The following ITGBL1 variants were observed in gnomAD, a reference collection of about 807,000 sequenced individuals.
ITGBL1 encodes integrin beta-like protein 1.
A neutral mutation model predicts 68.5 loss-of-function variants in ITGBL1; 51 were observed. That is an observed-to-expected ratio of 0.74 (90% CI 0.59 to 0.94). The LOEUF (loss-of-function observed/expected upper bound fraction) is 0.94, where lower values mean the gene tolerates loss of function less well. Ranked by LOEUF, ITGBL1 falls within the 40% of genes least tolerant of loss-of-function variation. The probability of loss-of-function intolerance (pLI) is 0.00; values close to 1 mark genes in which losing one functional copy is unlikely to be tolerated. For synonymous variants in ITGBL1, 209 were observed against 227.3 expected (o/e 0.92, Z 0.72); for missense variants, 649 against 647.4 (o/e 1.00, Z -0.03).
At chr13:101,683,811 T>C (rs186365160) in intron 7 of ITGBL1, among the ~76,000 whole-genome samples, 1 of 152,130 alleles carries the variant, frequency 6.6e-6, no homozygotes, top group African/African-American at 2.4e-5. Flanking sequence ...GCATTTCCCA[T>C]GTGAATAAGA....
chr13:101,453,941 G>C lies in ITGBL1; in HGVS notation c.157G>C (p.Ala53Pro). The C allele has an allele frequency of 7.0e-7, 1 of 1,418,472 alleles. No individual in the cohort carries two copies. Among genetic ancestry groups the C allele is most frequent in the Non-Finnish European group, 9.3e-7 (1 of 1,079,296 alleles). 87.9% of individuals were successfully genotyped at this position (1,418,472 alleles called of 1,614,324 possible). A position where few individuals can be genotyped will look rare whatever the true frequency, so the allele number is the denominator to read the frequency against. The change falls in exon 2 of 11, where the codon GCA becomes CCA. Residue 53 changes from alanine (A) to proline (P), a missense_variant. By Grantham distance (27) the Ala-to-Pro change is conservative (BLOSUM62 -1). Transcript: ENST00000376180. Reference protein sequence around the residue: ...SRAESERRCRAPGQPPGAALC... With the variant: ...SRAESERRCRPPGQPPGAALC... ...GGCCGAGTCGGAGCGACGCTGCCGC[G>C]CACCTGGGCAGCCCCCGGGGGCCGC... is the stretch of plus-strand genomic sequence containing the variant.
At chr13:101,495,077 AGTTCT>A (rs2048837437) in intron 2 of ITGBL1, among the ~76,000 whole-genome samples, 1 of 152,204 alleles carries the variant, frequency 6.6e-6, no homozygotes, top group South Asian at 2.1e-4. Flanking sequence ...CTTCTAAGTT[AGTTCT>A]TCAGGTTCAT....
At chr13:101,479,370 G>A (rs1355060548) in intron 2 of ITGBL1, among the ~76,000 whole-genome samples, 3 of 152,044 alleles carry the variant, frequency 2.0e-5, no homozygotes, top group African/African-American at 4.8e-5. Flanking sequence ...AGAAACAGTT[G>A]AGGAAACTCT....
Position 101,531,614 on chromosome 13 carries a change from G to A in ITGBL1, c.317-36085G>A. Reference sequence around the variant, plus strand: ...TTACTTCATAGCGTATTTTTTGGGGGGAGGGGATTTACTTTATTTCTTAAG... The same window carrying A: ...TTACTTCATAGCGTATTTTTTGGGGAGAGGGGATTTACTTTATTTCTTAAG... On this transcript the variant is annotated intron_variant, in intron 2 of 10. Transcript: ENST00000376180. Among the ~76,000 whole-genome samples the A allele has an allele frequency of 2.9e-5, 4 of 137,138 alleles. No homozygotes were observed. The Middle Eastern group carries it at 0.016, about 557-fold the overall frequency. The allele number at this position is 137,138 out of a possible 152,430, so 90.0% of individuals were successfully genotyped here.
chr13:101,518,396 CT>C (rs1209608364), intron 2 of ITGBL1, among the ~76,000 whole-genome samples: 3 of 152,132 alleles, frequency 2.0e-5, no homozygotes, highest in South Asian at 4.1e-4. Context: ...TAATTCATCT[CT>C]GTTTTCCCAA....
intron 2 of ITGBL1, among the ~76,000 whole-genome samples, chr13:101,488,022 G>A (rs1178799279): frequency 6.6e-6 from 1 of 152,182 alleles, no homozygotes; most frequent in Non-Finnish European, 1.5e-5. Flanking sequence ...CTTCGGAGGA[G>A]GAGATCAAAT....
intron 2 of ITGBL1, among the ~76,000 whole-genome samples, chr13:101,554,678 A>G (rs2049976574): frequency 6.6e-6 from 1 of 150,760 alleles, no homozygotes; most frequent in East Asian, 2.0e-4. Flanking sequence ...AAAATTTGCA[A>G]CTCTCCAGGG....
At chr13:101,691,372 T>C (rs1315630805) in intron 7 of ITGBL1, among the ~76,000 whole-genome samples, 1 of 152,212 alleles carries the variant, frequency 6.6e-6, no homozygotes, top group Non-Finnish European at 1.5e-5. Flanking sequence ...CATTAGATTA[T>C]CTTTAATTAC....
intron 7 of ITGBL1, among the ~76,000 whole-genome samples, chr13:101,687,869 A>G (rs2033791666): frequency 6.6e-6 from 1 of 151,784 alleles, no homozygotes; most frequent in Non-Finnish European, 1.5e-5. Context: ...TACTTGCTTT[A>G]TTTTTATTTC....
chr13:101,610,602 T>C (rs1403107310), intron 7 of ITGBL1, among the ~76,000 whole-genome samples: 1 of 152,216 alleles, frequency 6.6e-6, no homozygotes, highest in Non-Finnish European at 1.5e-5. Flanking sequence ...CTACATTCTC[T>C]TTTTGTAAAT....
intron 8 of ITGBL1, among the ~76,000 whole-genome samples, chr13:101,701,772 A>T (rs566223443): frequency 1.3e-5 from 2 of 152,124 alleles, no homozygotes; most frequent in East Asian, 3.9e-4. Flanking sequence ...TTTCACTTAT[A>T]TAGGTACCTA....
At chr13:101,719,381 T>C (rs2034843189), downstream of ITGBL1, 1 of 152,052 alleles carries the variant, frequency 6.6e-6, no homozygotes, top group Non-Finnish European at 1.5e-5. Context: ...ATCGTGGATC[T>C]CTTTAAGCCA....
chr13:101,457,929 A>G (rs1433065471), intron 2 of ITGBL1, among the ~76,000 whole-genome samples: 1 of 152,236 alleles, frequency 6.6e-6, no homozygotes, highest in Non-Finnish European at 1.5e-5. Context: ...CTACAATGAC[A>G]CTTAAATAAT....
chr13:101,582,379 C>G (rs1432395417), intron 5 of ITGBL1, among the ~76,000 whole-genome samples: 1 of 151,864 alleles, frequency 6.6e-6, no homozygotes, highest in Non-Finnish European at 1.5e-5. Flanking sequence ...ATCTTTAATC[C>G]AACTGGTACT....
chr13:101,616,845 C>G (rs1316727679), intron 7 of ITGBL1, among the ~76,000 whole-genome samples: 1 of 152,184 alleles, frequency 6.6e-6, no homozygotes, highest in African/African-American at 2.4e-5. Flanking sequence ...CCAGAATAAT[C>G]TGCATTGTAA....
chr13:101,549,364 G>T (rs2049882276), intron 2 of ITGBL1, among the ~76,000 whole-genome samples: 1 of 151,882 alleles, frequency 6.6e-6, no homozygotes, highest in African/African-American at 2.4e-5. Context: ...TTGATCATAT[G>T]ATTTAGGAGT....
downstream of ITGBL1, chr13:101,719,030 C>G (rs977984872): frequency 6.6e-6 from 1 of 151,950 alleles, no homozygotes; most frequent in African/African-American, 2.4e-5. Context: ...TAGCCTTGTT[C>G]TGAATTAAAA....
At chr13:101,658,651 A>T (rs1047490287) in intron 7 of ITGBL1, among the ~76,000 whole-genome samples, 4 of 152,154 alleles carry the variant, frequency 2.6e-5, no homozygotes, top group Non-Finnish European at 4.4e-5. Flanking sequence ...GGGATAATAC[A>T]TTTTAAAAAT....
intron 2 of ITGBL1, among the ~76,000 whole-genome samples, chr13:101,560,018 C>A (rs906229998): frequency 2.0e-5 from 3 of 152,074 alleles, no homozygotes; most frequent in African/African-American, 7.2e-5. Flanking sequence ...AGCAGAAATA[C>A]CTAAGGAACA....
Sources: gnomAD v4.1 joint callset for allele counts (sites outside exome capture counted in the v4.1 genomes callset) on GRCh38, gnomAD v4.1.1 for gene constraint, MANE v1.5 for transcripts, NCBI Gene and HGNC (gene_info 2026-07-23, HGNC 2026-07-21) for gene names.